The following NDUFS7 variants were observed in gnomAD, a reference collection of about 807,000 sequenced individuals.
NDUFS7 encodes NADH:ubiquinone oxidoreductase core subunit S7, also known as NADH dehydrogenase [ubiquinone] iron-sulfur protein 7, mitochondrial.
NDUFS7 carries 11 observed loss-of-function variants against 31.1 expected under a neutral mutation model. The observed-to-expected ratio is 0.35, with a 90% CI of 0.22 to 0.59. The LOEUF (loss-of-function observed/expected upper bound fraction) is 0.59. Among genes scored for constraint, NDUFS7 ranks in the 20% least tolerant of loss-of-function variants. NDUFS7 has a pLI of 0.79. For missense variants in NDUFS7, 263 were observed against 324.2 expected, an observed-to-expected ratio of 0.81 and a Z score of 1.45; for synonymous variants, 136 against 127.9, an observed-to-expected ratio of 1.06 and a Z score of -0.43.
rs377418064 is a variant in NDUFS7, at chr19:1,388,820, G to A, written c.123-13G>A. 2 of 1,583,486 alleles carry A rather than the reference G, an allele frequency of 1.3e-6. No individual in the cohort carries two copies. Among genetic ancestry groups the A allele is most frequent in the Admixed American group, 1.8e-5 (1 of 54,982 alleles). ...TGGCTGACGCCTCCTGTGCCCGTGT[G>A]TCTCTGTGCCAGCACCCAGCCTGCC... On this transcript the variant is annotated splice_polypyrimidine_tract_variant and intron_variant, in intron 3 of 7. Coordinates refer to ENST00000233627, the MANE Select transcript of NDUFS7 (RefSeq NM_024407.5).
intron 4 of NDUFS7, chr19:1,389,310 T>C: frequency 6.3e-6 from 3 of 474,766 alleles, no homozygotes; most frequent in Non-Finnish European, 4.1e-6. Context: ...TGCACAGTCA[T>C]GCACACACAT....
chr19:1,386,276 C>G (rs958531471), intron 1 of NDUFS7, among the ~76,000 whole-genome samples: 2 of 152,214 alleles, frequency 1.3e-5, no homozygotes, highest in African/African-American at 4.8e-5. Flanking sequence ...GCAGCTTCAA[C>G]AGAAGCTGAT....
chr19:1,387,668 C>G (rs993595100), intron 1 of NDUFS7, 143 bp from the exon 2 acceptor site: 1 of 737,758 alleles, frequency 1.4e-6, no homozygotes. Context: ...AAAACCCCCT[C>G]GTTACCTAAC....
At chr19:1,395,292 CG>C in intron 7 of NDUFS7, 98 bp from the exon 8 acceptor site, 1 of 1,503,362 alleles carries the variant, frequency 6.7e-7, no homozygotes, top group South Asian at 1.3e-5. Context: ...CTTCAGAGGC[CG>C]GCCCGGGAAA....
At chr19:1,390,616 TG>T (rs769064957) in intron 4 of NDUFS7, 103 of 584,996 alleles carry the variant, frequency 1.8e-4, no homozygotes, top group South Asian at 7.6e-4. Flanking sequence ...TAGGATACAC[TG>T]GGTTCGAGGA....
intron 2 of NDUFS7, 67 bp downstream of exon 2, chr19:1,387,914 G>GC: frequency 2.5e-6 from 1 of 405,756 alleles, no homozygotes; most frequent in East Asian, 7.7e-5. Flanking sequence ...AACGGGGCGG[G>GC]GGGGGTGGGG....
At chr19:1,389,289 G>C (rs369012244) in intron 4 of NDUFS7, 1 of 571,914 alleles carries the variant, frequency 1.7e-6, no homozygotes. Context: ...TCGCACACAC[G>C]TGCACATATA....
In NDUFS7 at chr19:1,395,407, C is replaced by T. The variant is rs144570086; in HGVS notation, c.561C>T (p.Ala187=). ...TCCCTGCAGGCTGCCCACCTACGGC[C>T]GAGGCCCTGCTCTACGGCATCCTGC... ...DIYIPGCPPT[A]EALLYGILQL... is the part of the protein sequence containing the mutation. The change falls in exon 8 of 8, where the codon GCC becomes GCT. Residue 187 remains alanine, a synonymous_variant. Transcript: ENST00000233627. 158 of 1,601,192 alleles carry T rather than the reference C, an allele frequency of 9.9e-5. No individual in the cohort carries two copies. Among genetic ancestry groups the T allele is most frequent in the Non-Finnish European group, 1.2e-4 (142 of 1,175,780 alleles).
At chr19:1,389,035 CACACA>C (rs768221863) in intron 4 of NDUFS7, 97 bp downstream of exon 4, 45 of 991,530 alleles carry the variant, frequency 4.5e-5, no homozygotes, top group Non-Finnish European at 6.7e-5. Flanking sequence ...GACACGTACA[CACACA>C]ACACATGCAT....
At position 1,391,045 on chromosome 19, in the gene NDUFS7, C is replaced by T. The variant is rs1052564692; in HGVS notation, c.403C>T (p.Arg135Cys). 4.3e-6 allele frequency: 7 copies of T among 1,613,398 alleles called. No individual in the cohort carries two copies. Among genetic ancestry groups the T allele is most frequent in the South Asian group, 1.1e-5 (1 of 91,078 alleles). ...TLTNKMAPAL[R>C]KVYDQMPEPR... ...CACCAACAAGATGGCCCCAGCGCTT[C>T]GCAAGGTAGGCCTCGTCCCAGCCGC... The change falls in exon 5 of 8, where the codon CGC (arginine) becomes TGC (cysteine). Residue 135 changes from arginine (R) to cysteine (C), a missense_variant. Physicochemically the swap from Arg to Cys is radical, Grantham distance 180. Transcript: ENST00000233627.
rs762289768 is a variant in NDUFS7 at position 1,388,534 on chromosome 19, G to C, written c.63G>C (p.Val21=). ...GFRILGLRSS[V]GPAVQARGVH... Reference sequence around the variant, plus strand: ...TTCCATCTCCCGGCAGCTCCAGCGTGGGCCCGGCTGTGCAGGCACGAGGTG... The same window carrying C: ...TTCCATCTCCCGGCAGCTCCAGCGTCGGCCCGGCTGTGCAGGCACGAGGTG... The change falls in exon 3 of 8, where the codon GTG becomes GTC. Residue 21 remains valine (V), a synonymous_variant. Coordinates refer to ENST00000233627, the MANE Select transcript of NDUFS7 (RefSeq NM_024407.5). 5 of 1,611,362 alleles carry C rather than the reference G, an allele frequency of 3.1e-6. No individual in the cohort carries two copies. Among genetic ancestry groups the C allele is most frequent in the Non-Finnish European group, 4.2e-6 (5 of 1,179,860 alleles).
intron 4 of NDUFS7, 179 bp downstream of exon 4, chr19:1,389,117 C>T (rs1225837022): frequency 1.7e-5 from 12 of 707,786 alleles, no homozygotes; most frequent in Middle Eastern, 2.3e-4. Flanking sequence ...ACGGACCACA[C>T]GCACACTCAC....
chr19:1,388,308 C>T (rs935915318), intron 2 of NDUFS7: 3 of 618,480 alleles, frequency 4.9e-6, no homozygotes, highest in Admixed American at 2.5e-5. Flanking sequence ...CTGCTGGGTA[C>T]GTCACAAAAG....
chr19:1,394,133 T>C, intron 7 of NDUFS7: 1 of 341,942 alleles, frequency 2.9e-6, no homozygotes, highest in South Asian at 2.3e-5. Flanking sequence ...GTCTGGGGGT[T>C]TGGGCAAGCG....
intron 3 of NDUFS7, 51 bp downstream of exon 3, chr19:1,388,644 C>A (rs1028082230): frequency 6.4e-7 from 1 of 1,572,668 alleles, no homozygotes. Context: ...CACCCCCATC[C>A]CTTCCTTATT....
chr19:1,389,772 T>C (rs547646541), intron 4 of NDUFS7: 75 of 339,016 alleles, frequency 2.2e-4, no homozygotes, highest in African/African-American at 1.4e-3. Flanking sequence ...CAATCCCCCA[T>C]TGATGGACGT....
chr19:1,386,336 G>A (rs1044893729), intron 1 of NDUFS7, among the ~76,000 whole-genome samples: 1 of 152,204 alleles, frequency 6.6e-6, no homozygotes. Context: ...GGTCAGCAGG[G>A]TTGGTTCCTG....
intron 4 of NDUFS7, 34 bp downstream of exon 4, chr19:1,388,972 G>T (rs1190066432): frequency 3.2e-6 from 5 of 1,542,240 alleles, no homozygotes; most frequent in Non-Finnish European, 4.4e-6. Flanking sequence ...CTCCTCGAGC[G>T]CCAGGGCCTC....
At chr19:1,385,191 A>T (rs527880230) in intron 1 of NDUFS7, among the ~76,000 whole-genome samples, 1 of 152,220 alleles carries the variant, frequency 6.6e-6, no homozygotes, top group African/African-American at 2.4e-5. Context: ...AAGCAAATTC[A>T]CAGTTCTGAA....
Sources: gnomAD v4.1 joint callset for allele counts (sites outside exome capture counted in the v4.1 genomes callset) on GRCh38, gnomAD v4.1.1 for gene constraint, MANE v1.5 for transcripts, NCBI Gene and HGNC (gene_info 2026-07-23, HGNC 2026-07-21) for gene names.